PCDH15: variants seen among roughly 807,000 people sequenced by gnomAD.
PCDH15 encodes the protein protocadherin-15.
Under a neutral mutation model 178.5 loss-of-function variants are expected in PCDH15, and 129 were observed. The observed-to-expected ratio is 0.72, with a 90% CI of 0.63 to 0.84. The LOEUF is 0.84. PCDH15 is among the 40% of genes least tolerant of loss of function. PCDH15 has a pLI of 0.00. For synonymous variants in PCDH15, 800 were observed against 732.0 expected (o/e 1.09, Z -1.50); for missense variants, 2,230 against 2,099.9 (o/e 1.06, Z -1.21).
chr10:54,873,000 G>T (rs1211100113), intron 3 of PCDH15, among the ~76,000 whole-genome samples: 2 of 149,614 alleles, frequency 1.3e-5, no homozygotes, highest in African/African-American at 2.4e-5. Flanking sequence ...AATTGTAAAA[G>T]CTACCAACCA....
chr10:54,568,511 GGT>G (rs2089349792), intron 2 of PCDH15: 1 of 151,868 alleles, frequency 6.6e-6, no homozygotes, highest in East Asian at 1.9e-4. Flanking sequence ...ATTTTATTGT[GGT>G]ATAATTTACA....
intron 3 of PCDH15, among the ~76,000 whole-genome samples, chr10:54,835,434 C>T (rs1953299220): frequency 6.6e-6 from 1 of 152,100 alleles, no homozygotes; most frequent in Non-Finnish European, 1.5e-5. Flanking sequence ...CATGCACACA[C>T]AGTATTTTTT....
At chr10:54,669,060 T>G (rs2135480117) in intron 1 of PCDH15, among the ~76,000 whole-genome samples, 1 of 152,258 alleles carries the variant, frequency 6.6e-6, no homozygotes, top group East Asian at 1.9e-4. Context: ...AGCTTCAAAC[T>G]AAAAACATGA....
intron 2 of PCDH15, among the ~76,000 whole-genome samples, chr10:55,081,903 C>T (rs898955985): frequency 2.0e-5 from 3 of 152,138 alleles, no homozygotes; most frequent in African/African-American, 7.2e-5. Context: ...GAACCAAGTA[C>T]TGGAGCACCC....
At chr10:54,619,897 A>G (rs1244275150) in intron 2 of PCDH15, among the ~76,000 whole-genome samples, 1 of 151,882 alleles carries the variant, frequency 6.6e-6, no homozygotes, top group African/African-American at 2.4e-5. Context: ...TTGGCAAATT[A>G]TAGCTCACCG....
chr10:54,697,991 T>TCAC (rs2095259042), intron 1 of PCDH15, among the ~76,000 whole-genome samples: 2 of 108,922 alleles, frequency 1.8e-5, no homozygotes, highest in Non-Finnish European at 4.3e-5. Context: ...TCAATACTCA[T>TCAC]CCTGAGAGTG....
chr10:54,175,790 C>T (rs190009459), intron 13 of PCDH15, among the ~76,000 whole-genome samples: 5 of 152,148 alleles, frequency 3.3e-5, no homozygotes, highest in Non-Finnish European at 4.4e-5. Flanking sequence ...TATTAACTCA[C>T]ATTTTTCTAT....
intron 23 of PCDH15, among the ~76,000 whole-genome samples, chr10:53,944,670 C>T (rs1364671852): frequency 6.6e-6 from 1 of 152,158 alleles, no homozygotes; most frequent in African/African-American, 2.4e-5. Context: ...TTAAAAGAAA[C>T]ACTTGAAACA....
chr10:54,490,774 G>T (rs548789730), intron 3 of PCDH15, among the ~76,000 whole-genome samples: 1 of 152,168 alleles, frequency 6.6e-6, no homozygotes, highest in African/African-American at 2.4e-5. Context: ...CATATGTAGG[G>T]CTTTTTGTCA....
chr10:55,150,942 G>T (rs957364214), intron 2 of PCDH15, among the ~76,000 whole-genome samples: 1 of 152,070 alleles, frequency 6.6e-6, no homozygotes, highest in African/African-American at 2.4e-5. Flanking sequence ...AGACACTGTG[G>T]AATTCCAATT....
chr10:55,511,840 C>T (rs1370479897), intron 2 of PCDH15, among the ~76,000 whole-genome samples: 2 of 151,864 alleles, frequency 1.3e-5, no homozygotes, highest in Admixed American at 1.3e-4. Context: ...AATATTAATT[C>T]CCTTACTCAA....
intron 2 of PCDH15, among the ~76,000 whole-genome samples, chr10:54,984,256 C>T (rs1839311265): frequency 6.6e-6 from 1 of 152,228 alleles, no homozygotes; most frequent in African/African-American, 2.4e-5. Context: ...GTGAGGGAAA[C>T]CAAAATTTAC....
At chr10:55,086,216 T>C (rs1440451037) in intron 2 of PCDH15, among the ~76,000 whole-genome samples, 2 of 152,016 alleles carry the variant, frequency 1.3e-5, no homozygotes, top group Non-Finnish European at 2.9e-5. Flanking sequence ...ACTGCAGTAC[T>C]TCATTGTAAT....
chr10:54,646,733 T>C (rs2094137256), intron 2 of PCDH15, among the ~76,000 whole-genome samples: 2 of 152,046 alleles, frequency 1.3e-5, no homozygotes, highest in Non-Finnish European at 2.9e-5. Context: ...TTATTTTTAA[T>C]TTTTAATGCA....
At chr10:54,625,025 C>G (rs867930581) in intron 2 of PCDH15, among the ~76,000 whole-genome samples, 1 of 152,302 alleles carries the variant, frequency 6.6e-6, no homozygotes, top group Middle Eastern at 3.4e-3. Flanking sequence ...CCCCACCCCA[C>G]TGGGTCCGTA....
In PCDH15 at chr10:53,803,608, C is replaced by T. The variant is rs1018430311; in HGVS notation, c.*2971G>A. ...CCAACCTACGGTTGCAATTCTATGA[C>T]AACTCTCAGAGTCTGTAATTAATGA... On this transcript the variant is annotated 3_prime_UTR_variant, in exon 38 of 38. Transcript: ENST00000644397. 6.6e-6 allele frequency: 1 copy of T among 151,932 alleles called. No homozygotes were observed. Among genetic ancestry groups the T allele is most frequent in the Admixed American group, 6.6e-5 (1 of 15,236 alleles). The allele number at this position is 151,932 out of a possible 1,614,324, so 9.4% of individuals were successfully genotyped here.
At chr10:53,987,613 T>C (rs1400540534) in intron 21 of PCDH15, among the ~76,000 whole-genome samples, 2 of 152,106 alleles carry the variant, frequency 1.3e-5, no homozygotes, top group Admixed American at 6.5e-5. Flanking sequence ...AGGTGAGTCA[T>C]AAATAAATGT....
intron 25 of PCDH15, among the ~76,000 whole-genome samples, chr10:53,927,605 G>A (rs558281262): frequency 1.3e-5 from 2 of 152,140 alleles, no homozygotes; most frequent in East Asian, 1.9e-4. Context: ...TTATAACAGC[G>A]TTTCTTTGAA....
chr10:54,598,881 CAAAAAGAATA>C (rs1326208179), intron 2 of PCDH15, among the ~76,000 whole-genome samples: 1 of 151,696 alleles, frequency 6.6e-6, no homozygotes, highest in Non-Finnish European at 1.5e-5. Flanking sequence ...ACAATTGCCA[CAAAAAGAATA>C]AAATACCTAG....
Sources: gnomAD v4.1 joint callset for allele counts (sites outside exome capture counted in the v4.1 genomes callset) on GRCh38, gnomAD v4.1.1 for gene constraint, MANE v1.5 for transcripts, NCBI Gene and HGNC (gene_info 2026-07-23, HGNC 2026-07-21) for gene names.